ZNRF2: variants seen among roughly 807,000 people sequenced by gnomAD.
The protein encoded by ZNRF2 is zinc and ring finger 2.
In ZNRF2, 16 loss-of-function variants were observed where a neutral mutation model predicts 20.4. The observed-to-expected ratio is 0.79, with a 90% CI of 0.53 to 1.19. ZNRF2 has a LOEUF of 1.19. ZNRF2 is among the 50% of genes most tolerant of loss of function. The pLI is 0.00. For synonymous variants in ZNRF2, 178 were observed against 144.9 expected (o/e 1.23, Z -1.64); for missense variants, 363 against 332.4 (o/e 1.09, Z -0.72).
At chr7:30,361,799 CGAT>C (rs1800130900) in intron 3 of ZNRF2, among the ~76,000 whole-genome samples, 1 of 151,844 alleles carries the variant, frequency 6.6e-6, no homozygotes, top group Non-Finnish European at 1.5e-5. Context: ...TCCACAATGA[CGAT>C]GATCATATGC....
rs970730203 is a variant in ZNRF2, at chr7:30,286,465, G to C, written c.469+639G>C. Among the ~76,000 whole-genome samples, 54 of 152,192 alleles carry C rather than the reference G, an allele frequency of 3.5e-4. 2 individuals are homozygous for C. ...TAATTTGGAAAGCATTTAAAAAATG[G>C]AAAAGTTTCTTAAGGAAGTAAAAAT... is the stretch of plus-strand genomic sequence containing the variant. On this transcript the variant is annotated intron_variant, in intron 1 of 4. Transcript: ENST00000323037.
chr7:30,286,845 C>T (rs568751444), intron 1 of ZNRF2, among the ~76,000 whole-genome samples: 1 of 152,098 alleles, frequency 6.6e-6, no homozygotes, highest in Non-Finnish European at 1.5e-5. Context: ...AGATGAGCAG[C>T]GAAAACACGA....
intron 2 of ZNRF2, among the ~76,000 whole-genome samples, chr7:30,338,161 G>A (rs1163477749): frequency 1.3e-5 from 2 of 152,130 alleles, no homozygotes; most frequent in Non-Finnish European, 2.9e-5. Context: ...TTTTGTGTGT[G>A]TATGAGTATG....
chr7:30,327,529 A>G (rs902448566), intron 2 of ZNRF2, among the ~76,000 whole-genome samples: 2 of 152,060 alleles, frequency 1.3e-5, no homozygotes, highest in African/African-American at 2.4e-5. Context: ...TTAAGAACTA[A>G]TATATAACCT....
At chr7:30,361,367 C>A (rs534491629) in intron 3 of ZNRF2, among the ~76,000 whole-genome samples, 4 of 152,188 alleles carry the variant, frequency 2.6e-5, no homozygotes, top group Non-Finnish European at 5.9e-5. Flanking sequence ...TTAGTTTCAT[C>A]TTATCACTTT....
chr7:30,344,814 T>C (rs1281006123), intron 2 of ZNRF2, among the ~76,000 whole-genome samples: 1 of 152,238 alleles, frequency 6.6e-6, no homozygotes, highest in African/African-American at 2.4e-5. Flanking sequence ...AGACTGCTTA[T>C]CTATGTGTCT....
chr7:30,360,504 A>G (rs1697466740), intron 3 of ZNRF2, among the ~76,000 whole-genome samples: 1 of 151,812 alleles, frequency 6.6e-6, no homozygotes, highest in African/African-American at 2.4e-5. Flanking sequence ...CCTGACCAAC[A>G]TGGTGAAACC....
At chr7:30,309,107 C>G (rs1284696795) in intron 1 of ZNRF2, among the ~76,000 whole-genome samples, 1 of 151,982 alleles carries the variant, frequency 6.6e-6, no homozygotes, top group African/African-American at 2.4e-5. Flanking sequence ...GTCTTTATTA[C>G]TGAGGGCCTT....
At chr7:30,325,070 A>G (rs1311919563) in intron 2 of ZNRF2, among the ~76,000 whole-genome samples, 2 of 152,140 alleles carry the variant, frequency 1.3e-5, no homozygotes, top group Admixed American at 6.6e-5. Flanking sequence ...AAATCTCTAG[A>G]TATTCCAAAA....
intron 4 of ZNRF2, among the ~76,000 whole-genome samples, chr7:30,362,923 C>T (rs1026325598): frequency 4.6e-5 from 7 of 152,030 alleles, no homozygotes; most frequent in Non-Finnish European, 8.8e-5. Flanking sequence ...TGAGACCATC[C>T]CTGGCTAACA....
intron 2 of ZNRF2, among the ~76,000 whole-genome samples, chr7:30,348,339 G>A (rs1019239814): frequency 8.5e-5 from 13 of 152,054 alleles, no homozygotes; most frequent in Admixed American, 1.3e-4. Flanking sequence ...TTCTGAGATC[G>A]GTTGCTTCAT....
intron 1 of ZNRF2, among the ~76,000 whole-genome samples, chr7:30,311,525 G>A (rs916974827): frequency 1.3e-5 from 2 of 152,124 alleles, no homozygotes; most frequent in Non-Finnish European, 2.9e-5. Context: ...GTTTCCATAG[G>A]TGAGCCCCAA....
chr7:30,296,381 G>C (rs2128056497), intron 1 of ZNRF2, among the ~76,000 whole-genome samples: 1 of 152,336 alleles, frequency 6.6e-6, no homozygotes, highest in East Asian at 1.9e-4. Context: ...GGCGGTTGGA[G>C]ATGGTTGGAA....
At chr7:30,310,268 T>C (rs1562608547) in intron 1 of ZNRF2, among the ~76,000 whole-genome samples, 1 of 152,214 alleles carries the variant, frequency 6.6e-6, no homozygotes, top group Admixed American at 6.5e-5. Context: ...GACTAAACTT[T>C]TTAATGCAAC....
At chr7:30,312,484 A>C (rs993608656) in intron 1 of ZNRF2, among the ~76,000 whole-genome samples, 6 of 152,172 alleles carry the variant, frequency 3.9e-5, no homozygotes, top group African/African-American at 1.4e-4. Flanking sequence ...ATTGAGTACT[A>C]AGGAGAAAAT....
intron 1 of ZNRF2, among the ~76,000 whole-genome samples, chr7:30,312,845 G>A (rs750538740): frequency 1.5e-4 from 23 of 152,118 alleles, no homozygotes; most frequent in Non-Finnish European, 2.5e-4. Context: ...ATTAAAAGCA[G>A]TAATTTCTCT....
intron 1 of ZNRF2, among the ~76,000 whole-genome samples, chr7:30,310,722 A>G (rs1305863706): frequency 6.6e-6 from 1 of 152,204 alleles, no homozygotes; most frequent in African/African-American, 2.4e-5. Context: ...CGCACCTGAT[A>G]GCCATTTTCT....
At chr7:30,365,593 G>A (rs1379378453) in intron 4 of ZNRF2, among the ~76,000 whole-genome samples, 1 of 152,002 alleles carries the variant, frequency 6.6e-6, no homozygotes, top group East Asian at 1.9e-4. Flanking sequence ...CCTTTTAATA[G>A]TCCTAGATTA....
At chr7:30,340,230 A>C (rs1583589548) in intron 2 of ZNRF2, among the ~76,000 whole-genome samples, 1 of 152,176 alleles carries the variant, frequency 6.6e-6, no homozygotes, top group South Asian at 2.1e-4. Flanking sequence ...CTGTTTGAAT[A>C]CCCTTTATTT....
Sources: allele counts gnomAD v4.1 joint callset (sites outside exome capture counted in the v4.1 genomes callset), GRCh38; gene constraint gnomAD v4.1.1; transcripts MANE v1.5; gene names NCBI Gene and HGNC (gene_info 2026-07-23, HGNC 2026-07-21).